IFT46: variants seen among roughly 807,000 people sequenced by gnomAD.
IFT46 encodes intraflagellar transport 46, also known as intraflagellar transport protein 46 homolog.
In IFT46, 19 loss-of-function variants were observed where a neutral mutation model predicts 39.6. The ratio of observed to expected loss-of-function variants is 0.48; its 90% CI spans 0.33 to 0.70. IFT46 has a LOEUF of 0.70. Among genes scored for constraint, IFT46 ranks in the 30% least tolerant of loss-of-function variants. The probability of loss-of-function intolerance (pLI) is 0.01; values close to 1 mark genes in which losing one functional copy is unlikely to be tolerated. For synonymous variants in IFT46, 117 were observed against 134.8 expected (o/e 0.87, Z 0.91); for missense variants, 334 against 364.8 (o/e 0.92, Z 0.69).
upstream of IFT46, chr11:118,573,570 G>A: frequency 3.1e-6 from 2 of 642,606 alleles, no homozygotes; most frequent in Non-Finnish European, 5.7e-6. Context: ...ATGTCCTTTA[G>A]TCTTTTGAAG....
At chr11:118,545,606 G>A in intron 10 of IFT46, 112 bp from the exon 11 acceptor site, 6 of 1,093,352 alleles carry the variant, frequency 5.5e-6, no homozygotes, top group Non-Finnish European at 6.9e-6. Context: ...TATGACTTTG[G>A]GGGTTAAATA....
intron 1 of IFT46, among the ~76,000 whole-genome samples, chr11:118,571,839 C>G (rs1431148221): frequency 1.3e-5 from 2 of 152,076 alleles, no homozygotes; most frequent in Admixed American, 6.6e-5. Context: ...CCTGTAATCC[C>G]AACATTGGGA....
upstream of IFT46, among the ~76,000 whole-genome samples, chr11:118,567,317 C>G (rs879954602): frequency 6.6e-6 from 1 of 152,098 alleles, no homozygotes; most frequent in Non-Finnish European, 1.5e-5. Flanking sequence ...TGGCTCACGC[C>G]TGTAATCCCA....
chr11:118,561,488 T>G, intron 2 of IFT46: 1 of 766,014 alleles, frequency 1.3e-6, no homozygotes, highest in South Asian at 1.5e-5. Context: ...TAGGTGGAAC[T>G]GTCCCAAAAT....
chr11:118,572,478 C>T (rs963069900), intron 1 of IFT46: 2 of 1,565,382 alleles, frequency 1.3e-6, no homozygotes, highest in Non-Finnish European at 1.7e-6. Context: ...GCTGGTGCTC[C>T]CGTTCCCCAG....
chr11:118,572,514 C>G (rs782333985), intron 1 of IFT46: 1 of 1,611,044 alleles, frequency 6.2e-7, no homozygotes, highest in Non-Finnish European at 8.5e-7. Context: ...CCAGTGGAGC[C>G]GGAGTGCGGG....
At chr11:118,567,405 G>A (rs964331557), upstream of IFT46, among the ~76,000 whole-genome samples, 5 of 151,908 alleles carry the variant, frequency 3.3e-5, no homozygotes, top group Admixed American at 1.3e-4. Flanking sequence ...TGAAACCCCC[G>A]TCTCTACTAA....
At chr11:118,553,081 C>T (rs533260151) in intron 7 of IFT46, among the ~76,000 whole-genome samples, 1 of 146,764 alleles carries the variant, frequency 6.8e-6, no homozygotes, top group Admixed American at 6.8e-5. Flanking sequence ...GACCCTGTCT[C>T]AAAAAAAAAT....
chr11:118,562,750 A>G (rs1443820656), intron 2 of IFT46, among the ~76,000 whole-genome samples: 2 of 152,208 alleles, frequency 1.3e-5, no homozygotes, highest in Non-Finnish European at 2.9e-5. Context: ...CCGAGTGTCC[A>G]TTAACAAATG....
exon 1 of IFT46, chr11:118,572,608 T>G (rs1339557432): frequency 9.5e-6 from 15 of 1,581,538 alleles, no homozygotes; most frequent in Admixed American, 1.8e-5. Context: ...TCTCTCCTTG[T>G]CGGCGGGCCT....
chr11:118,565,421 G>A (rs1938191318), intron 1 of IFT46, among the ~76,000 whole-genome samples: 1 of 145,706 alleles, frequency 6.9e-6, no homozygotes, highest in African/African-American at 2.6e-5. Context: ...GAAGGCTGTA[G>A]AGGTTCTAGA....
At chr11:118,573,909 T>C, upstream of IFT46, 1 of 469,818 alleles carries the variant, frequency 2.1e-6, no homozygotes, top group Non-Finnish European at 3.8e-6. Flanking sequence ...TGAAACTCAG[T>C]TCCCGTTTAC....
chr11:118,566,441 C>A (rs1292795480), upstream of IFT46, among the ~76,000 whole-genome samples: 1 of 152,184 alleles, frequency 6.6e-6, no homozygotes, highest in Non-Finnish European at 1.5e-5. Context: ...GCCTGTAATC[C>A]CAGCACTTTG....
chr11:118,546,219 G>T, intron 9 of IFT46: 1 of 715,828 alleles, frequency 1.4e-6, no homozygotes, highest in South Asian at 1.5e-5. Context: ...AATCTTGGTG[G>T]GGCGTGGTGG....
chr11:118,575,083 A>G (rs182997659), upstream of IFT46, among the ~76,000 whole-genome samples: 123 of 152,218 alleles, frequency 8.1e-4, 1 homozygote, highest in Middle Eastern at 3.4e-3. Context: ...GGTTCAAGCT[A>G]TCCTCCTGCC....
intron 3 of IFT46, among the ~76,000 whole-genome samples, chr11:118,559,472 CT>C (rs1271334784): frequency 1.3e-5 from 2 of 152,162 alleles, no homozygotes; most frequent in African/African-American, 4.8e-5. Context: ...TTTTGAGATT[CT>C]GGGCTGGGAC....
At chr11:118,557,641 T>C in intron 3 of IFT46, 3 of 1,399,752 alleles carry the variant, frequency 2.1e-6, no homozygotes, top group Non-Finnish European at 1.0e-6. Flanking sequence ...ATCTGACCTA[T>C]CTGTATTTCC....
Position 118,551,772 on chromosome 11 carries a change from T to C in IFT46, c.672+14A>G. On this transcript the variant is annotated intron_variant, in intron 9 of 11. Transcript: ENST00000264021. ...TGTACTTTCTTACCCTACCTCCTGCTACCTTCCACTCACCTTGCCCAAAAG... is the reference window on the plus strand; with the variant it reads ...TGTACTTTCTTACCCTACCTCCTGCCACCTTCCACTCACCTTGCCCAAAAG... The C allele has an allele frequency of 6.2e-7, 1 of 1,608,386 alleles. No homozygotes were observed. The highest frequency in any genetic ancestry group is 8.5e-7 in the Non-Finnish European group (1 of 1,175,136).
chr11:118,567,295 G>A (rs138410433), upstream of IFT46, among the ~76,000 whole-genome samples: 9 of 151,974 alleles, frequency 5.9e-5, no homozygotes, highest in East Asian at 1.2e-3. Flanking sequence ...ATAATTTTTT[G>A]GTCGGGCACG....
Sources: gnomAD v4.1 joint callset for allele counts (sites outside exome capture counted in the v4.1 genomes callset) on GRCh38, gnomAD v4.1.1 for gene constraint, MANE v1.5 for transcripts, NCBI Gene and HGNC (gene_info 2026-07-23, HGNC 2026-07-21) for gene names.